ZFP1: variants seen among roughly 807,000 people sequenced by gnomAD.
The protein encoded by ZFP1 is ZFP1 zinc finger protein.
A neutral mutation model predicts 38.5 loss-of-function variants in ZFP1; 32 were observed. That is an observed-to-expected ratio of 0.83 (90% CI 0.63 to 1.12). The LOEUF is 1.12. Among genes scored for constraint, ZFP1 ranks in the 50% most tolerant of loss-of-function variants. The pLI is 0.00. For missense variants in ZFP1, 616 were observed against 480.8 expected, an observed-to-expected ratio of 1.28 and a Z score of -2.63; for synonymous variants, 245 against 168.8, an observed-to-expected ratio of 1.45 and a Z score of -3.50.
chr16:75,131,989 CT>C, the ZFP1 span, among the ~76,000 whole-genome samples: 21 of 151,892 alleles, frequency 1.4e-4, no homozygotes, highest in Non-Finnish European at 2.8e-4. Context: ...AAGAAAATGT[CT>C]GTTTTACAGT....
chr16:75,168,046 G>C (rs1456007479), intron 3 of ZFP1, among the ~76,000 whole-genome samples: 1 of 152,102 alleles, frequency 6.6e-6, no homozygotes, highest in Non-Finnish European at 1.5e-5. Context: ...GGGCAACAGA[G>C]ACCGACCCCA....
At chr16:75,163,798 ACAGGGTCTTGC>A (rs1189688107) in intron 2 of ZFP1, among the ~76,000 whole-genome samples, 1 of 151,414 alleles carries the variant, frequency 6.6e-6, no homozygotes, top group Non-Finnish European at 1.5e-5. Context: ...TGTTGTAGAG[ACAGGGTCTTGC>A]CATGTTGCCC....
chr16:75,167,468 T>C (rs898042828), intron 3 of ZFP1, among the ~76,000 whole-genome samples: 2 of 152,038 alleles, frequency 1.3e-5, no homozygotes, highest in African/African-American at 2.4e-5. Context: ...TCCTAACATA[T>C]CTTAAACTTT....
the ZFP1 span, among the ~76,000 whole-genome samples, chr16:75,139,546 G>A: frequency 6.6e-6 from 1 of 152,030 alleles, no homozygotes; most frequent in African/African-American, 2.4e-5. Context: ...AAACAAATAA[G>A]TTGGGCATGG....
intron 2 of ZFP1, among the ~76,000 whole-genome samples, chr16:75,163,990 T>TTTGTGTGGGGTATC (rs1567535408): frequency 1.3e-5 from 2 of 152,222 alleles, no homozygotes; most frequent in African/African-American, 4.8e-5. Context: ...ACCAGTATGT[T>TTTGTGTGGGGTATC]TTGTGTGGGG....
chr16:75,147,295 T>C (rs2036963812), upstream of ZFP1, among the ~76,000 whole-genome samples: 1 of 152,102 alleles, frequency 6.6e-6, no homozygotes, highest in African/African-American at 2.4e-5. Context: ...GTTTTTTAAT[T>C]TATACTTTTT....
chr16:75,143,930 A>G (rs752540532), upstream of ZFP1, among the ~76,000 whole-genome samples: 5 of 152,202 alleles, frequency 3.3e-5, no homozygotes, highest in Non-Finnish European at 5.9e-5. Flanking sequence ...CTGGGATTAC[A>G]GGCATGAGCC....
At chr16:75,148,933 G>C (rs1361873608) in intron 1 of ZFP1, 1 of 152,032 alleles carries the variant, frequency 6.6e-6, no homozygotes, top group Admixed American at 6.6e-5. Flanking sequence ...CGAAGGGCTC[G>C]GGCCGCGCGG....
chr16:75,167,964 G>A (rs970821151), intron 3 of ZFP1, among the ~76,000 whole-genome samples: 3 of 152,048 alleles, frequency 2.0e-5, no homozygotes, highest in African/African-American at 4.8e-5. Flanking sequence ...ATGGTGGCAT[G>A]TGCCTGTAAT....
chr16:75,120,641 G>A, the ZFP1 span, among the ~76,000 whole-genome samples: 11 of 151,134 alleles, frequency 7.3e-5, no homozygotes, highest in South Asian at 6.2e-4. Flanking sequence ...TCACTCTGTC[G>A]CCCAGGCTGG....
rs2038429539 is a variant in ZFP1, at chr16:75,171,439, C to G, written c.*1105C>G. ...TTGTTTAAAGGAGGCATTTCTACTTCCTTGAGTTTTGCTGTTGCCAACCTA... is the reference window on the plus strand; with the variant it reads ...TTGTTTAAAGGAGGCATTTCTACTTGCTTGAGTTTTGCTGTTGCCAACCTA... On this transcript the variant is annotated 3_prime_UTR_variant, in exon 4 of 4. Transcript: ENST00000570010. 6.6e-6 allele frequency: 1 copy of G among 152,180 alleles called. No homozygotes were observed. Among genetic ancestry groups the G allele is most frequent in the South Asian group, 2.1e-4 (1 of 4,830 alleles). The allele number at this position is 152,180 out of a possible 1,614,324, so 9.4% of individuals were successfully genotyped here. A position where few individuals can be genotyped will look rare whatever the true frequency, so the allele number is the denominator to read the frequency against.
the ZFP1 span, among the ~76,000 whole-genome samples, chr16:75,139,385 A>AAAAAAAAC: frequency 3.1e-3 from 458 of 146,830 alleles, 6 homozygotes; most frequent in African/African-American, 0.012. Context: ...AAAAAAAAAA[A>AAAAAAAAC]AAAAAAAAAA....
chr16:75,164,581 A>G (rs1036719241), intron 2 of ZFP1, among the ~76,000 whole-genome samples: 4 of 152,176 alleles, frequency 2.6e-5, no homozygotes, highest in Admixed American at 6.5e-5. Flanking sequence ...GAATAGTGGT[A>G]ATAATGCCTG....
chr16:75,155,502 G>A (rs921484758), intron 2 of ZFP1, among the ~76,000 whole-genome samples: 2 of 152,170 alleles, frequency 1.3e-5, no homozygotes, highest in Non-Finnish European at 2.9e-5. Flanking sequence ...GAGCATAGAG[G>A]TTGCTCATTC....
At chr16:75,153,089 T>C in intron 2 of ZFP1, 123 bp downstream of exon 2, 1 of 1,312,554 alleles carries the variant, frequency 7.6e-7, no homozygotes, top group Admixed American at 2.6e-5. Context: ...GAATAACTAA[T>C]CAATACCAGC....
the ZFP1 span, among the ~76,000 whole-genome samples, chr16:75,129,449 C>T: frequency 2.6e-5 from 4 of 152,180 alleles, no homozygotes; most frequent in Non-Finnish European, 4.4e-5. Flanking sequence ...CTGGGAACTG[C>T]TTAGGGCAAA....
the ZFP1 span, among the ~76,000 whole-genome samples, chr16:75,133,884 A>C: frequency 4.6e-5 from 7 of 152,092 alleles, no homozygotes; most frequent in African/African-American, 7.3e-5. Context: ...CCCCGTCTGT[A>C]ATAAAAATAC....
the ZFP1 span, among the ~76,000 whole-genome samples, chr16:75,123,455 GTATATATATATATATATATATATATATA>G: frequency 8.6e-3 from 751 of 87,304 alleles, 37 homozygotes; most frequent in African/African-American, 0.032. Context: ...GTGTGTATAT[GTATATATATATATATATATATATATATA>G]TATATATATA....
At chr16:75,154,514 TC>T (rs1326929598) in intron 2 of ZFP1, among the ~76,000 whole-genome samples, 1 of 150,366 alleles carries the variant, frequency 6.7e-6, no homozygotes, top group Non-Finnish European at 1.5e-5. Flanking sequence ...ACTGCCAAAC[TC>T]CCTTCAATGT....
Sources: allele counts gnomAD v4.1 joint callset (sites outside exome capture counted in the v4.1 genomes callset), GRCh38; gene constraint gnomAD v4.1.1; transcripts MANE v1.5; gene names NCBI Gene and HGNC (gene_info 2026-07-23, HGNC 2026-07-21).